Variants in SPTLC1 observed in about 807,000 individuals in gnomAD.
The protein encoded by SPTLC1 is serine palmitoyltransferase 1.
Under a neutral mutation model 68.9 loss-of-function variants are expected in SPTLC1, and 55 were observed. That is an observed-to-expected ratio of 0.80 (90% confidence interval 0.64 to 1.00). The LOEUF is 1.00. SPTLC1 is among the 50% of genes least tolerant of loss of function. The pLI is 0.00. For synonymous variants in SPTLC1, 197 were observed against 201.6 expected, an observed-to-expected ratio of 0.98 and a Z score of 0.19; for missense variants, 449 against 573.1, an observed-to-expected ratio of 0.78 and a Z score of 2.21.
intron 2 of SPTLC1, 154 bp from the exon 3 acceptor site, chr9:92,108,988 T>G (rs1247775620): frequency 8.3e-7 from 1 of 1,199,308 alleles, no homozygotes; most frequent in African/African-American, 1.5e-5. Context: ...ACACTATTAG[T>G]ACGTCTTTGT....
At position 92,047,708 on chromosome 9, in the gene SPTLC1, T is replaced by A. The variant is rs1833569233; in HGVS notation, c.889A>T (p.Ile297Phe). Residue 297 changes from isoleucine (I) to phenylalanine (F), a missense_variant and splice_region_variant, in exon 10 of 15, where the codon ATT (isoleucine) becomes TTT (phenylalanine). This residue lies in a region of SPTLC1 where 391 missense variants were observed against 472.1 expected (regional missense o/e 0.83). Coordinates refer to ENST00000262554, the MANE Select transcript of SPTLC1 (RefSeq NM_006415.4). Reference sequence around the variant, plus strand: ...GCACTGATAAGATCAATATCATCAATCTGCCGGAAAAGGAGGAGTGACAGT... The same window carrying A: ...GCACTGATAAGATCAATATCATCAAACTGCCGGAAAAGGAGGAGTGACAGT... ...RGVTEHYGIN[I>F]DDIDLISANM... is the part of the protein sequence containing the mutation. The A allele has an allele frequency of 6.2e-7, 1 of 1,609,256 alleles. No homozygotes were observed. Among genetic ancestry groups the A allele is most frequent in the South Asian group, 1.1e-5 (1 of 90,882 alleles).
At chr9:92,105,801 CGCCGTCCTGTCTGCG>C (rs1835950797) in intron 3 of SPTLC1, among the ~76,000 whole-genome samples, 1 of 150,358 alleles carries the variant, frequency 6.7e-6, no homozygotes, top group African/African-American at 2.5e-5. Context: ...TCTGCCTTGC[CGCCGTCCTGTCTGCG>C]AAGTGAGGAG....
chr9:92,045,910 G>T (rs1195390777), intron 12 of SPTLC1, 89 bp downstream of exon 12: 1 of 1,270,746 alleles, frequency 7.9e-7, no homozygotes, highest in South Asian at 1.3e-5. Context: ...TGGTCAAACT[G>T]ACCCAAGCCT....
chr9:92,045,905 A>G, intron 12 of SPTLC1, 94 bp downstream of exon 12: 1 of 1,224,806 alleles, frequency 8.2e-7, no homozygotes, highest in South Asian at 1.3e-5. Context: ...CAATCTGGTC[A>G]AACTGACCCA....
intron 5 of SPTLC1, among the ~76,000 whole-genome samples, chr9:92,073,874 C>G (rs946215204): frequency 1.3e-5 from 2 of 152,220 alleles, no homozygotes; most frequent in African/African-American, 2.4e-5. Context: ...CAGCGTTTAA[C>G]TGCCCCTCTG....
intron 6 of SPTLC1, among the ~76,000 whole-genome samples, chr9:92,060,678 G>A (rs563364768): frequency 8.7e-4 from 132 of 151,872 alleles, no homozygotes; most frequent in Admixed American, 1.2e-3. Context: ...AGGCCAAGGC[G>A]GGTGGATCAC....
intron 11 of SPTLC1, among the ~76,000 whole-genome samples, chr9:92,046,887 G>A (rs1231670892): frequency 6.6e-6 from 1 of 152,132 alleles, no homozygotes; most frequent in African/African-American, 2.4e-5. Flanking sequence ...GGAACGTTTA[G>A]GCCCAGAACT....
intron 4 of SPTLC1, 40 bp from the exon 5 acceptor site, chr9:92,080,128 T>C: frequency 6.5e-7 from 1 of 1,530,922 alleles, no homozygotes; most frequent in Non-Finnish European, 9.0e-7. Context: ...ATAATTTATC[T>C]TTAAGAGTTC....
At chr9:92,109,199 C>T (rs10820942) in intron 2 of SPTLC1, 37,035 of 191,290 alleles carry the variant, frequency 0.19, 3,170 homozygotes, top group Middle Eastern at 0.28. Context: ...TGATATTGTC[C>T]GAGAAAGTAC....
intron 3 of SPTLC1, among the ~76,000 whole-genome samples, chr9:92,086,271 T>C (rs1381427887): frequency 6.6e-6 from 1 of 151,752 alleles, no homozygotes. Flanking sequence ...ATGTGTGAAT[T>C]TGATCCTGTC....
At position 92,047,239 on chromosome 9, in the gene SPTLC1, T is replaced by G; in HGVS notation, c.1014A>C (p.Ser338=). The change falls in exon 11 of 15, where the codon TCA becomes TCC. Residue 338 remains serine (S), a synonymous_variant. Transcript: ENST00000262554. The stretch of plus-strand genomic sequence containing the variant: ...CAGCTAACAGGGGAGGTAACGAAGC[T>G]GAAAAGCAGTATCCCTGGCCGGAAA... ...QRLSGQGYCF[S]ASLPPLLAAA... The G allele has an allele frequency of 6.2e-7, 1 of 1,614,114 alleles. No individual in the cohort carries two copies. The highest frequency in any genetic ancestry group is 8.5e-7 in the Non-Finnish European group (1 of 1,179,998).
intron 13 of SPTLC1, among the ~76,000 whole-genome samples, chr9:92,037,816 G>A (rs1833195604): frequency 6.6e-6 from 1 of 152,216 alleles, no homozygotes; most frequent in Non-Finnish European, 1.5e-5. Context: ...TGAGTGGACT[G>A]TCCCTGAGCT....
Position 92,063,549 on chromosome 9 carries a change from C to CA in SPTLC1, c.561-4242dup, listed in dbSNP as rs1426411541. Among the ~76,000 whole-genome samples, 3 of 151,638 alleles carry CA rather than the reference C, an allele frequency of 2.0e-5. No homozygotes were observed. The East Asian group carries it at 5.8e-4, about 29-fold the overall frequency. ...CTGCTACCAAAACCAAAGTAAGTATCAAAAAAAGTGTATTATAGGACAATC... is the reference window on the plus strand; with the variant it reads ...CTGCTACCAAAACCAAAGTAAGTATCAAAAAAAAGTGTATTATAGGACAATC... On this transcript the variant is annotated intron_variant, in intron 6 of 14. Transcript: ENST00000262554.
At chr9:92,081,551 T>A (rs1297833288) in intron 3 of SPTLC1, among the ~76,000 whole-genome samples, 1 of 152,182 alleles carries the variant, frequency 6.6e-6, no homozygotes, top group Non-Finnish European at 1.5e-5. Flanking sequence ...TGAGCCCGGC[T>A]GGGACAGGAG....
chr9:92,114,592 G>A (rs918830639), intron 1 of SPTLC1, among the ~76,000 whole-genome samples: 2 of 151,878 alleles, frequency 1.3e-5, no homozygotes, highest in Non-Finnish European at 2.9e-5. Context: ...AAAATTGGCC[G>A]GGCATGGTGG....
intron 9 of SPTLC1, among the ~76,000 whole-genome samples, chr9:92,048,622 G>C (rs1302517909): frequency 2.6e-5 from 4 of 152,132 alleles, no homozygotes; most frequent in Non-Finnish European, 4.4e-5. Flanking sequence ...TTTCTTTGTA[G>C]TGAGTCCCAG....
chr9:92,040,688 G>A (rs1221583986), intron 12 of SPTLC1, among the ~76,000 whole-genome samples: 3 of 151,842 alleles, frequency 2.0e-5, no homozygotes, highest in Non-Finnish European at 4.4e-5. Context: ...AATCTGGGAA[G>A]TGGAGGTTGC....
At chr9:92,071,230 A>T (rs1271021903) in intron 5 of SPTLC1, among the ~76,000 whole-genome samples, 5 of 149,966 alleles carry the variant, frequency 3.3e-5, no homozygotes, top group African/African-American at 1.2e-4. Context: ...TCTCTACTAA[A>T]AAAAAAAAAA....
chr9:92,091,626 T>C (rs1419151709), intron 3 of SPTLC1, among the ~76,000 whole-genome samples: 2 of 152,222 alleles, frequency 1.3e-5, no homozygotes, highest in African/African-American at 2.4e-5. Flanking sequence ...TAAATTTACA[T>C]ATCAAATTGG....
Sources: allele counts gnomAD v4.1 joint callset (sites outside exome capture counted in the v4.1 genomes callset), GRCh38; gene constraint gnomAD v4.1.1; regional missense constraint gnomAD v4.1.1; transcripts MANE v1.5; gene names NCBI Gene and HGNC (gene_info 2026-07-23, HGNC 2026-07-21).